The following DHX36 variants were observed in gnomAD, a reference collection of about 807,000 sequenced individuals.
The protein encoded by DHX36 is DEAH-box helicase 36.
Under a neutral mutation model 139.0 loss-of-function variants are expected in DHX36, and 50 were observed. That is an observed-to-expected ratio of 0.36 (90% CI 0.29 to 0.46). DHX36 has a LOEUF of 0.46. DHX36 is among the 20% of genes least tolerant of loss of function. DHX36 has a pLI of 1.00. For synonymous variants in DHX36, 425 were observed against 401.9 expected (o/e 1.06, Z -0.69); for missense variants, 1,024 against 1,211.3 (o/e 0.85, Z 2.29).
intron 1 of DHX36, among the ~76,000 whole-genome samples, chr3:154,320,606 C>CAA (rs1330822863): frequency 6.6e-6 from 1 of 152,186 alleles, no homozygotes; most frequent in Non-Finnish European, 1.5e-5. Flanking sequence ...ATAACAATAT[C>CAA]AAACTCATAG....
At chr3:154,307,754 C>A (rs914239194) in intron 5 of DHX36, among the ~76,000 whole-genome samples, 2 of 151,562 alleles carry the variant, frequency 1.3e-5, no homozygotes, top group African/African-American at 4.9e-5. Flanking sequence ...ATCCAGCAAT[C>A]CCACTGCTGG....
At chr3:154,297,730 T>C (rs1712098797) in intron 12 of DHX36, among the ~76,000 whole-genome samples, 2 of 151,742 alleles carry the variant, frequency 1.3e-5, no homozygotes, top group African/African-American at 2.4e-5. Context: ...AAAAAGTCTC[T>C]AGTTTTTTTG....
intron 5 of DHX36, among the ~76,000 whole-genome samples, chr3:154,306,541 CT>C (rs2108356898): frequency 6.6e-6 from 1 of 152,266 alleles, no homozygotes; most frequent in African/African-American, 2.4e-5. Flanking sequence ...AAGTGCCTTT[CT>C]ATAGCATCCT....
chr3:154,293,616 G>C (rs1711913141), intron 14 of DHX36, 132 bp downstream of exon 14: 2 of 619,816 alleles, frequency 3.2e-6, no homozygotes, highest in Non-Finnish European at 2.7e-6. Context: ...TATGCTCACT[G>C]CCATAAAAAA....
At chr3:154,310,942 A>C (rs1712739356) in intron 4 of DHX36, among the ~76,000 whole-genome samples, 1 of 148,882 alleles carries the variant, frequency 6.7e-6, no homozygotes, top group African/African-American at 2.5e-5. Flanking sequence ...AAGTTTGAAC[A>C]CTGAAATTAT....
At chr3:154,277,859 T>C (rs544188264) in intron 22 of DHX36, 141 bp from the exon 23 acceptor site, 1 of 763,682 alleles carries the variant, frequency 1.3e-6, no homozygotes, top group East Asian at 3.0e-5. Context: ...CAGAGAATAA[T>C]TCAGTTTATT....
chr3:154,305,169 CTG>C lies in DHX36; in HGVS notation c.894-3_894-2del. The C allele has an allele frequency of 6.2e-7, 1 of 1,611,122 alleles. No individual in the cohort carries two copies. Among genetic ancestry groups the C allele is most frequent in the Non-Finnish European group, 8.5e-7 (1 of 1,179,092 alleles). ...AGAACCCTGTTTCCTTGGCAACCGACTGTGAATGAAAGACATGAATTAATAAG... is the reference window on the plus strand; with the variant it reads ...AGAACCCTGTTTCCTTGGCAACCGACTGAATGAAAGACATGAATTAATAAG... On this transcript the variant is annotated splice_acceptor_variant and splice_polypyrimidine_tract_variant and intron_variant, in intron 6 of 24. Transcript: ENST00000496811. LOFTEE classifies it high-confidence loss of function.
chr3:154,312,852 AATATATATAT>A (rs67771264), intron 3 of DHX36, among the ~76,000 whole-genome samples: 1,642 of 39,660 alleles, frequency 0.041, 51 homozygotes, highest in African/African-American at 0.053. Context: ...AAATAATTAA[AATATATATAT>A]ATATATATAT....
intron 12 of DHX36, among the ~76,000 whole-genome samples, chr3:154,296,688 A>C (rs1280755953): frequency 6.6e-6 from 1 of 152,216 alleles, no homozygotes; most frequent in Non-Finnish European, 1.5e-5. Context: ...TTCACATTTA[A>C]CTATGCTTAC....
chr3:154,289,555 AG>A (rs1372439415), intron 16 of DHX36, among the ~76,000 whole-genome samples, 153 bp downstream of exon 16: 1 of 152,248 alleles, frequency 6.6e-6, no homozygotes, highest in African/African-American at 2.4e-5. Flanking sequence ...ATACATTTGA[AG>A]GAAGTTTAAA....
At chr3:154,286,831 T>A (rs1318865303) in intron 17 of DHX36, among the ~76,000 whole-genome samples, 1 of 151,936 alleles carries the variant, frequency 6.6e-6, no homozygotes, top group Non-Finnish European at 1.5e-5. Flanking sequence ...ATTTTTTTTT[T>A]AAGAGATAGG....
At chr3:154,289,279 T>G (rs1434110634) in intron 16 of DHX36, among the ~76,000 whole-genome samples, 1 of 152,206 alleles carries the variant, frequency 6.6e-6, no homozygotes, top group Non-Finnish European at 1.5e-5. Context: ...TTACTCACTA[T>G]CTTCAAAACA....
intron 3 of DHX36, among the ~76,000 whole-genome samples, chr3:154,312,894 T>A (rs1272888215): frequency 2.6e-5 from 2 of 76,070 alleles, no homozygotes; most frequent in Non-Finnish European, 5.1e-5. Context: ...TATATATATA[T>A]ATATATAAAA....
In DHX36 at chr3:154,300,679, A is replaced by G; in HGVS notation, c.1376T>C (p.Val459Ala). The change falls in exon 11 of 25, where the codon GTA (valine) becomes GCA (alanine). Residue 459 changes from valine (V) to alanine (A), a missense_variant. Physicochemically the swap from Val to Ala is moderately conservative, Grantham distance 64 (BLOSUM62 0). Coordinates refer to ENST00000496811, the MANE Select transcript of DHX36 (RefSeq NM_020865.3). ...ELRRRYSAST[V>A]DVIEMMEDDK... ...ATCCTCCATCATTTCTATAACATCT[A>G]CAGTACTTGCAGAATACCTATCAAA... 2 of 1,612,714 alleles carry G rather than the reference A, an allele frequency of 1.2e-6. No individual in the cohort carries two copies. The highest frequency in any genetic ancestry group is 1.1e-5 in the South Asian group (1 of 90,994).
At chr3:154,296,452 T>C (rs242118) in intron 12 of DHX36, among the ~76,000 whole-genome samples, 137,861 of 152,180 alleles carry the variant, frequency 0.91, 62,678 homozygotes, top group East Asian at 1. Flanking sequence ...CCAGCCTAGG[T>C]GACAGAGCGA....
intron 15 of DHX36, among the ~76,000 whole-genome samples, chr3:154,292,343 A>G (rs1242324898): frequency 6.6e-6 from 1 of 152,246 alleles, no homozygotes; most frequent in Non-Finnish European, 1.5e-5. Context: ...AATTGAAGGC[A>G]AAAGATTCAT....
At chr3:154,307,811 T>A (rs1372211986) in intron 5 of DHX36, among the ~76,000 whole-genome samples, 7 of 141,166 alleles carry the variant, frequency 5.0e-5, no homozygotes, top group South Asian at 4.5e-4. Context: ...AAAAAAAAAA[T>A]ACTTGTCTTG....
At position 154,273,815 on chromosome 3, in the gene DHX36, T is replaced by C. The variant is rs2108325878; in HGVS notation, c.*2356A>G. ...AACTCTTTCGGTTTCCTTGCATTTA[T>C]TGGAAGGCACATTAAAATTTGCATT... On this transcript the variant is annotated 3_prime_UTR_variant, in exon 25 of 25. Transcript: ENST00000496811. 1 of 152,360 alleles carries C rather than the reference T, an allele frequency of 6.6e-6. No homozygotes were observed. The highest frequency in any genetic ancestry group is 6.5e-5 in the Admixed American group (1 of 15,306). 9.4% of individuals were successfully genotyped at this position (152,360 alleles called of 1,614,324 possible).
intron 9 of DHX36, among the ~76,000 whole-genome samples, chr3:154,301,409 T>C (rs1430675286): frequency 6.6e-6 from 1 of 152,184 alleles, no homozygotes; most frequent in Middle Eastern, 3.2e-3. Flanking sequence ...TTACCTTCTA[T>C]TTTAAGTTTG....
Sources: gnomAD v4.1 joint callset for allele counts (sites outside exome capture counted in the v4.1 genomes callset) on GRCh38, gnomAD v4.1.1 for gene constraint, MANE v1.5 for transcripts, NCBI Gene and HGNC (gene_info 2026-07-23, HGNC 2026-07-21) for gene names.